The following TXN variants were observed in gnomAD, a reference collection of about 807,000 sequenced individuals.
TXN encodes the protein thioredoxin, also known as ADF.
Under a neutral mutation model 16.5 loss-of-function variants are expected in TXN, and 10 were observed. The observed-to-expected ratio is 0.61, with a 90% CI of 0.37 to 1.03. The LOEUF is 1.03. Ranked by LOEUF, TXN falls within the 50% of genes least tolerant of loss-of-function variation. The pLI, the probability that TXN is intolerant of heterozygous loss-of-function variation, is 0.01. For missense variants in TXN, 71 were observed against 122.5 expected, an observed-to-expected ratio of 0.58 and a Z score of 1.98; for synonymous variants, 35 against 39.4, an observed-to-expected ratio of 0.89 and a Z score of 0.42.
In TXN at chr9:110,256,451, C is replaced by T. The variant is rs1432053181; in HGVS notation, c.-16G>A. On this transcript the variant is annotated 5_prime_UTR_variant, in exon 1 of 5. Coordinates refer to ENST00000374517, the MANE Select transcript of TXN (RefSeq NM_003329.4). This position sits in a 1 kb window ranked among gnomAD's most constrained non-coding sequence, Gnocchi z 4.2. ...GCTTCACCATCTTGGCTGCTGGAGT[C>T]TGACGAGCGGCTGTAAGGACCGATG... 1 of 1,605,202 alleles carries T rather than the reference C, an allele frequency of 6.2e-7. No homozygotes were observed. The highest frequency in any genetic ancestry group is 2.3e-5 in the East Asian group (1 of 44,308).
rs149399920 is a variant in TXN at position 110,250,773 on chromosome 9, G to C, written c.189+47C>G. The C allele has an allele frequency of 4.3e-5, 60 of 1,391,048 alleles. No homozygotes were observed. The African/African-American group carries it at 7.5e-4, about 17-fold the overall frequency. The allele number at this position is 1,391,048 out of a possible 1,614,324, so 86.2% of individuals were successfully genotyped here. A position where few individuals can be genotyped will look rare whatever the true frequency, so the allele number is the denominator to read the frequency against. On this transcript the variant is annotated intron_variant, in intron 3 of 4. Coordinates refer to ENST00000374517, the MANE Select transcript of TXN (RefSeq NM_003329.4). Reference sequence around the variant, plus strand: ...AAGCACTGTGCAATTCAGAGAAAAAGGCCAATGTGAAAAGCTCAGCAGTAT... The same window carrying C: ...AAGCACTGTGCAATTCAGAGAAAAACGCCAATGTGAAAAGCTCAGCAGTAT...
chr9:110,254,641 CTTT>C (rs143610988), intron 1 of TXN, among the ~76,000 whole-genome samples: 1 of 152,200 alleles, frequency 6.6e-6, no homozygotes, highest in Non-Finnish European at 1.5e-5. Context: ...GGCTGTAGTG[CTTT>C]TTTTAAAGTT....
chr9:110,244,323 A>G (rs531971064), intron 4 of TXN, 104 bp from the exon 5 acceptor site: 2 of 299,852 alleles, frequency 6.7e-6, no homozygotes, highest in South Asian at 1.2e-4. Context: ...ATACATATGT[A>G]TATATATACA....
chr9:110,248,128 TAA>T (rs1315526909), intron 3 of TXN, among the ~76,000 whole-genome samples: 6 of 152,128 alleles, frequency 3.9e-5, no homozygotes, highest in Non-Finnish European at 8.8e-5. Context: ...TTACAAGAGT[TAA>T]AGAGTTAAAA....
At position 110,251,460 on chromosome 9, in the gene TXN, A is replaced by G. The variant is rs1350647893; in HGVS notation, c.27T>C (p.Thr9=). 6.2e-7 allele frequency: 1 copy of G among 1,600,410 alleles called. No homozygotes were observed. Among genetic ancestry groups the G allele is most frequent in the Non-Finnish European group, 8.5e-7 (1 of 1,170,214 alleles). The change falls in exon 2 of 5, where the codon ACT becomes ACC. Residue 9 remains threonine (T), a splice_region_variant and synonymous_variant. Transcript: ENST00000374517. MVKQIESK[T]AFQEALDAAG... ...CAGCGTCCAAGGCTTCCTGAAAAGC[A>G]GTCTAACAGCAAAAGAAAAGCTTAT...
intron 1 of TXN, among the ~76,000 whole-genome samples, chr9:110,253,177 C>T (rs907028857): frequency 3.5e-5 from 5 of 141,194 alleles, no homozygotes; most frequent in Non-Finnish European, 7.7e-5. Flanking sequence ...AACAAGAAAA[C>T]ACTAATATGA....
At chr9:110,252,594 C>T (rs1332708155) in intron 1 of TXN, among the ~76,000 whole-genome samples, 1 of 152,194 alleles carries the variant, frequency 6.6e-6, no homozygotes, top group African/African-American at 2.4e-5. Flanking sequence ...TATTTACTAT[C>T]TAGATACTGT....
Position 110,250,863 on chromosome 9 carries a change from T to C in TXN, c.146A>G (p.Tyr49Cys). Residue 49 changes from tyrosine to cysteine, a missense_variant, in exon 3 of 5, where the codon TAT (tyrosine) becomes TGT (cysteine). Tyr to Cys is a radical substitution (Grantham distance 194). Coordinates refer to ENST00000374517, the MANE Select transcript of TXN (RefSeq NM_003329.4). Reference protein sequence around the residue: ...KPFFHSLSEKYSNVIFLEVDV... With the variant: ...KPFFHSLSEKCSNVIFLEVDV... Reference sequence around the variant, plus strand: ...TACTTCAAGGAATATCACGTTGGAATACTTTTCAGAGAGGGACTGGAAAAT... The same window carrying C: ...TACTTCAAGGAATATCACGTTGGAACACTTTTCAGAGAGGGACTGGAAAAT... 1 of 1,610,870 alleles carries C rather than the reference T, an allele frequency of 6.2e-7. No individual in the cohort carries two copies. Among genetic ancestry groups the C allele is most frequent in the East Asian group, 2.2e-5 (1 of 44,782 alleles).
intron 3 of TXN, among the ~76,000 whole-genome samples, chr9:110,248,414 C>T (rs1054116248): frequency 1.8e-4 from 28 of 152,300 alleles, no homozygotes; most frequent in Admixed American, 1.1e-3. Context: ...CAAATACTTA[C>T]TGTTGTGTTA....
At chr9:110,254,763 G>C (rs959417637) in intron 1 of TXN, among the ~76,000 whole-genome samples, 1 of 152,126 alleles carries the variant, frequency 6.6e-6, no homozygotes, top group African/African-American at 2.4e-5. Flanking sequence ...AATCAACTTT[G>C]TTTGTAGTGT....
Position 110,244,189 on chromosome 9 carries a change from T to C in TXN, c.286A>G (p.Lys96Glu). 1 of 1,576,876 alleles carries C rather than the reference T, an allele frequency of 6.3e-7. No individual in the cohort carries two copies. The highest frequency in any genetic ancestry group is 8.6e-7 in the Non-Finnish European group (1 of 1,160,844). Reference protein sequence around the residue: ...VGEFSGANKEKLEATINELV With the variant: ...VGEFSGANKEELEATINELV ...AATTCATTAATGGTGGCTTCAAGCT[T>C]TTCCTTATTGGCTCCAGAAAATTCA... Residue 96 changes from lysine (K) to glutamate (E), a missense_variant, in exon 5 of 5, where the codon AAG becomes GAG. Physicochemically the swap from Lys to Glu is moderately conservative, Grantham distance 56. Coordinates refer to ENST00000374517, the MANE Select transcript of TXN (RefSeq NM_003329.4).
intron 3 of TXN, among the ~76,000 whole-genome samples, chr9:110,245,654 A>ATATTTTTTTTT (rs1232332404): frequency 4.6e-5 from 1 of 21,772 alleles, no homozygotes; most frequent in African/African-American, 2.0e-4. Context: ...ATATATATAT[A>ATATTTTTTTTT]TTTTTTTTTT....
At chr9:110,250,738 T>G (rs1336423335) in intron 3 of TXN, 82 bp downstream of exon 3, 4 of 1,077,846 alleles carry the variant, frequency 3.7e-6, no homozygotes, top group Non-Finnish European at 5.6e-6. Flanking sequence ...TTTGACATAT[T>G]TATGGAAAAA....
intron 3 of TXN, among the ~76,000 whole-genome samples, chr9:110,249,052 G>T (rs1198590215): frequency 7.3e-6 from 1 of 137,320 alleles, no homozygotes; most frequent in Non-Finnish European, 1.5e-5. Flanking sequence ...GCTTAAACCC[G>T]GGAGGCAGAG....
chr9:110,255,744 G>T (rs4135161), intron 1 of TXN, among the ~76,000 whole-genome samples: 1 of 152,198 alleles, frequency 6.6e-6, no homozygotes, highest in African/African-American at 2.4e-5. Context: ...CGTGCCAGGG[G>T]GTCTCCAGCC....
chr9:110,252,663 T>C (rs955849159), intron 1 of TXN, among the ~76,000 whole-genome samples: 2 of 152,200 alleles, frequency 1.3e-5, no homozygotes, highest in African/African-American at 4.8e-5. Context: ...GTTTTGTTTT[T>C]GAGACGGAGT....
chr9:110,249,895 C>A (rs1365940598), intron 3 of TXN, among the ~76,000 whole-genome samples: 1 of 152,188 alleles, frequency 6.6e-6, no homozygotes, highest in Non-Finnish European at 1.5e-5. Flanking sequence ...AAGCCAGGTC[C>A]AGCGCCTCTG....
intron 1 of TXN, among the ~76,000 whole-genome samples, chr9:110,254,507 G>A (rs1274628460): frequency 6.6e-6 from 1 of 152,148 alleles, no homozygotes; most frequent in African/African-American, 2.4e-5. Context: ...GGGCAACAAG[G>A]GCAAAACTCC....
In TXN at chr9:110,244,848, T is replaced by G. The variant is rs764899734; in HGVS notation, c.190-5A>C. The G allele has an allele frequency of 1.2e-6, 2 of 1,612,160 alleles. No individual in the cohort carries two copies. The highest frequency in any genetic ancestry group is 2.2e-5 in the South Asian group (2 of 91,044). ...TTCACACTCTGAAGCAACATCCTGGTAGGGAAAGTAGCAAAGGGAGAGGAT... is the reference window on the plus strand; with the variant it reads ...TTCACACTCTGAAGCAACATCCTGGGAGGGAAAGTAGCAAAGGGAGAGGAT... On this transcript the variant is annotated splice_region_variant and splice_polypyrimidine_tract_variant and intron_variant, in intron 3 of 4. Coordinates refer to ENST00000374517, the MANE Select transcript of TXN (RefSeq NM_003329.4).
Sources: gnomAD v4.1 joint callset for allele counts (sites outside exome capture counted in the v4.1 genomes callset) on GRCh38, gnomAD v4.1.1 for gene constraint, Gnocchi (gnomAD v3.1) non-coding constraint, MANE v1.5 for transcripts, NCBI Gene and HGNC (gene_info 2026-07-23, HGNC 2026-07-21) for gene names.